The following CMIP variants were observed in gnomAD, a reference collection of about 807,000 sequenced individuals.
CMIP encodes the protein C-Maf-inducing protein.
CMIP carries 13 observed loss-of-function variants against 97.3 expected under a neutral mutation model. The ratio of observed to expected loss-of-function variants is 0.13; its 90% CI spans 0.09 to 0.21. CMIP has a LOEUF of 0.21. Ranked by LOEUF, CMIP falls within the 10% of genes least tolerant of loss-of-function variation. The probability of loss-of-function intolerance (pLI) is 1.00; values close to 1 mark genes in which losing one functional copy is unlikely to be tolerated. For synonymous variants in CMIP, 538 were observed against 436.3 expected (o/e 1.23, Z -2.91); for missense variants, 847 against 1,024.9 (o/e 0.83, Z 2.37).
intron 1 of CMIP, among the ~76,000 whole-genome samples, chr16:81,571,888 C>T (rs929048049): frequency 4.6e-5 from 7 of 152,224 alleles, no homozygotes; most frequent in African/African-American, 9.6e-5. Context: ...CTTAAATTAC[C>T]TCTTACCTGG....
At chr16:81,532,308 C>T (rs968544104) in intron 1 of CMIP, among the ~76,000 whole-genome samples, 6 of 152,198 alleles carry the variant, frequency 3.9e-5, no homozygotes, top group African/African-American at 1.4e-4. Context: ...TGTGTGTGCA[C>T]CTGCGTGTGC....
At chr16:81,665,800 A>T (rs542200687) in intron 7 of CMIP, 2 of 152,282 alleles carry the variant, frequency 1.3e-5, no homozygotes, top group African/African-American at 4.8e-5. Flanking sequence ...CATGGCAGAC[A>T]TCATTAATCA....
At chr16:81,564,923 C>T (rs183619925) in intron 1 of CMIP, among the ~76,000 whole-genome samples, 4 of 150,998 alleles carry the variant, frequency 2.6e-5, no homozygotes, top group East Asian at 2.0e-4. Context: ...CATGTGTGCC[C>T]GGGCGACTGT....
chr16:81,683,869 C>T (rs1905125624), intron 10 of CMIP, among the ~76,000 whole-genome samples: 1 of 138,662 alleles, frequency 7.2e-6, no homozygotes, highest in African/African-American at 2.7e-5. Flanking sequence ...TCAAGCCATT[C>T]TCCTGCCTCA....
intron 6 of CMIP, among the ~76,000 whole-genome samples, chr16:81,662,350 G>T (rs779579333): frequency 1.3e-5 from 2 of 152,186 alleles, no homozygotes; most frequent in Non-Finnish European, 2.9e-5. Context: ...TTGCCTCACT[G>T]TGTTTCTTAC....
intron 1 of CMIP, among the ~76,000 whole-genome samples, chr16:81,573,920 C>T (rs1179729919): frequency 3.3e-5 from 5 of 152,136 alleles, no homozygotes; most frequent in African/African-American, 1.2e-4. Context: ...AGACATGCTT[C>T]GTTTCACCTA....
intron 3 of CMIP, chr16:81,645,731 G>A (rs1193254864): frequency 1.9e-6 from 2 of 1,044,924 alleles, no homozygotes; most frequent in Non-Finnish European, 2.8e-6. Context: ...GCTCGGATGT[G>A]GGGAGCCCTC....
chr16:81,607,272 C>T (rs996792893), intron 1 of CMIP, among the ~76,000 whole-genome samples: 23 of 152,218 alleles, frequency 1.5e-4, no homozygotes, highest in South Asian at 2.1e-4. Context: ...GCGCTGGCCC[C>T]GCGGATACCA....
chr16:81,606,047 A>G (rs1158135830), intron 1 of CMIP, among the ~76,000 whole-genome samples: 1 of 152,230 alleles, frequency 6.6e-6, no homozygotes, highest in Non-Finnish European at 1.5e-5. Flanking sequence ...GCAGACAGAT[A>G]CTGAAATTAA....
chr16:81,708,832 G>T (rs768189390), intron 20 of CMIP, among the ~76,000 whole-genome samples: 23 of 152,354 alleles, frequency 1.5e-4, no homozygotes, highest in Middle Eastern at 3.4e-3. Context: ...GGGCAGTGGG[G>T]AGCCATTGAG....
At chr16:81,467,931 G>A (rs954012658) in intron 1 of CMIP, among the ~76,000 whole-genome samples, 3 of 145,188 alleles carry the variant, frequency 2.1e-5, no homozygotes, top group African/African-American at 7.8e-5. Flanking sequence ...GTATTTCCCA[G>A]GCTGGAGTAC....
chr16:81,697,855 A>G (rs1906921533), intron 14 of CMIP: 1 of 151,748 alleles, frequency 6.6e-6, no homozygotes, highest in Non-Finnish European at 1.5e-5. Flanking sequence ...CTCGCCGGCC[A>G]CCCCAGGCCT....
chr16:81,556,759 C>G (rs1305264771), intron 1 of CMIP, among the ~76,000 whole-genome samples: 2 of 152,234 alleles, frequency 1.3e-5, no homozygotes, highest in Non-Finnish European at 2.9e-5. Flanking sequence ...TTGGACATCA[C>G]TTATACACAC....
At chr16:81,685,236 C>A (rs2151069457) in intron 10 of CMIP, among the ~76,000 whole-genome samples, 1 of 152,316 alleles carries the variant, frequency 6.6e-6, no homozygotes, top group African/African-American at 2.4e-5. Context: ...CCCTCTCGGT[C>A]TTGTGGGAGC....
At chr16:81,683,756 CT>C (rs71272426) in intron 10 of CMIP, among the ~76,000 whole-genome samples, 5,084 of 81,708 alleles carry the variant, frequency 0.062, 28 homozygotes, top group African/African-American at 0.096. Context: ...TTTTCTTTTT[CT>C]TTTTTTTTTT....
intron 1 of CMIP, among the ~76,000 whole-genome samples, chr16:81,580,221 G>A (rs1412646487): frequency 6.6e-6 from 1 of 152,160 alleles, no homozygotes; most frequent in East Asian, 1.9e-4. Flanking sequence ...TGAGGGCAGG[G>A]CCGTGATCAG....
chr16:81,671,630 C>T (rs573747863), intron 8 of CMIP, among the ~76,000 whole-genome samples: 1 of 152,316 alleles, frequency 6.6e-6, no homozygotes, highest in South Asian at 2.1e-4. Context: ...CTAACTGTAC[C>T]CCAACTGAGG....
chr16:81,532,570 G>A (rs576494442), intron 1 of CMIP, among the ~76,000 whole-genome samples: 31 of 152,132 alleles, frequency 2.0e-4, no homozygotes, highest in Non-Finnish European at 3.4e-4. Flanking sequence ...AGGAGGCCTC[G>A]GCTTGCCCAG....
At chr16:81,557,321 G>C (rs188932251) in intron 1 of CMIP, among the ~76,000 whole-genome samples, 3 of 146,740 alleles carry the variant, frequency 2.0e-5, no homozygotes, top group South Asian at 2.1e-4. Flanking sequence ...GATGTTGGTT[G>C]AATTTACTGA....
Sources: allele counts gnomAD v4.1 joint callset (sites outside exome capture counted in the v4.1 genomes callset), GRCh38; gene constraint gnomAD v4.1.1; transcripts MANE v1.5; gene names NCBI Gene and HGNC (gene_info 2026-07-23, HGNC 2026-07-21).